PHACTR2: variants seen among roughly 807,000 people sequenced by gnomAD.
The protein encoded by PHACTR2 is phosphatase and actin regulator 2.
PHACTR2 carries 30 observed loss-of-function variants against 76.0 expected under a neutral mutation model. The observed-to-expected ratio is 0.39, with a 90% CI of 0.30 to 0.54. PHACTR2 has a LOEUF of 0.54. Ranked by LOEUF, PHACTR2 falls within the 20% of genes least tolerant of loss-of-function variation. PHACTR2 has a pLI of 0.61. For missense variants in PHACTR2, 696 were observed against 781.1 expected (o/e 0.89, Z 1.30); for synonymous variants, 292 against 292.5 (o/e 1.00, Z 0.02).
At position 143,825,964 on chromosome 6, in the gene PHACTR2, A is replaced by T. The variant is rs1338813622; in HGVS notation, c.*2275A>T. 1 of 152,128 alleles carries T rather than the reference A, an allele frequency of 6.6e-6. No individual in the cohort carries two copies. Among genetic ancestry groups the T allele is most frequent in the Non-Finnish European group, 1.5e-5 (1 of 68,018 alleles). The allele number at this position is 152,128 out of a possible 1,614,324, so 9.4% of individuals were successfully genotyped here. On this transcript the variant is annotated 3_prime_UTR_variant, in exon 13 of 13. Transcript: ENST00000440869. This position sits in a 1 kb window ranked among gnomAD's most constrained non-coding sequence, Gnocchi z 4.1. ...ATTTCAAAATTGCATTTCTTGTATA[A>T]TAGGTCAGATTTATTAACTACTCAT...
chr6:143,565,485 G>A (rs1205386594), intron 1 of PHACTR2, among the ~76,000 whole-genome samples: 1 of 152,090 alleles, frequency 6.6e-6, no homozygotes, highest in Admixed American at 6.6e-5. Flanking sequence ...GGGCGTGGTG[G>A]TGGGCGCTAC....
At position 143,546,354 on chromosome 6, in the gene PHACTR2, A is replaced by C. The variant is rs1664761448; in HGVS notation, c.217+9147A>C. ...CCCTCGTAACAGGAAGAAACTTGTG[A>C]CTTAAAAAAAAAAAAAAACATGTTA... On this transcript the variant is annotated intron_variant, in intron 1 of 11. Transcript: ENST00000367584. This position sits in a 1 kb window ranked among gnomAD's most constrained non-coding sequence, Gnocchi z 4.9. Among the ~76,000 whole-genome samples the C allele has an allele frequency of 7.5e-6, 1 of 133,344 alleles. No homozygotes were observed. The highest frequency in any genetic ancestry group is 7.3e-5 in the Admixed American group (1 of 13,676). 87.5% of individuals were successfully genotyped at this position (133,344 alleles called of 152,430 possible). A position where few individuals can be genotyped will look rare whatever the true frequency, so the allele number is the denominator to read the frequency against.
intron 11 of PHACTR2, among the ~76,000 whole-genome samples, chr6:143,790,825 C>T (rs1026616630): frequency 1.4e-4 from 21 of 152,110 alleles, no homozygotes; most frequent in South Asian, 2.1e-4. Context: ...AGGCGCCCGC[C>T]ACCACGCCCA....
intron 1 of PHACTR2, among the ~76,000 whole-genome samples, chr6:143,576,006 A>C (rs1367723312): frequency 6.6e-6 from 1 of 152,272 alleles, no homozygotes; most frequent in Non-Finnish European, 1.5e-5. Flanking sequence ...GAGATATATC[A>C]GACAAAGCCA....
intron 1 of PHACTR2, among the ~76,000 whole-genome samples, chr6:143,588,810 T>C (rs1365323593): frequency 6.6e-6 from 1 of 152,206 alleles, no homozygotes; most frequent in East Asian, 1.9e-4. Flanking sequence ...GAAGATATTA[T>C]AAACAATTTG....
intron 2 of PHACTR2, among the ~76,000 whole-genome samples, chr6:143,723,629 T>C (rs748702820): frequency 1.3e-5 from 2 of 152,212 alleles, no homozygotes; most frequent in Non-Finnish European, 2.9e-5. Context: ...CTCATGAAGC[T>C]GCTATTCCAG....
At position 143,549,518 on chromosome 6, in the gene PHACTR2, A is replaced by G. The variant is rs1325442432; in HGVS notation, c.217+12311A>G. On this transcript the variant is annotated intron_variant, in intron 1 of 11. Coordinates refer to the PHACTR2 transcript ENST00000367584. This position sits in a 1 kb window ranked among gnomAD's most constrained non-coding sequence, Gnocchi z 4.2. ...ATTCTCAGAAGGCCGGCCACAGGCA[A>G]TGGCAAGATGAGAATGTTTGCCCAA... Among the ~76,000 whole-genome samples, 1 of 152,028 alleles carries G rather than the reference A, an allele frequency of 6.6e-6. No individual in the cohort carries two copies. The highest frequency in any genetic ancestry group is 6.6e-5 in the Admixed American group (1 of 15,246).
intron 1 of PHACTR2, among the ~76,000 whole-genome samples, chr6:143,702,927 A>G (rs1343850295): frequency 6.6e-6 from 1 of 151,720 alleles, no homozygotes; most frequent in African/African-American, 2.4e-5. Flanking sequence ...AGTAAGGGAA[A>G]AAAGTTTATA....
intron 1 of PHACTR2, among the ~76,000 whole-genome samples, chr6:143,575,778 G>GTTTTTTTT (rs1775499344): frequency 6.6e-6 from 1 of 151,904 alleles, no homozygotes; most frequent in African/African-American, 2.4e-5. Context: ...TTATTGAACC[G>GTTTTTTTT]TTTTGTTAAG....
Position 143,598,925 on chromosome 6 carries a change from G to T in PHACTR2, c.217+61718G>T, listed in dbSNP as rs114035565. Among the ~76,000 whole-genome samples the T allele has an allele frequency of 1.3e-5, 2 of 152,262 alleles. No homozygotes were observed. Among genetic ancestry groups the T allele is most frequent in the East Asian group, 3.9e-4 (2 of 5,180 alleles). ...TGTTATCTGTTCCAGGTTTAGTGGC[G>T]TGAATAGTAAACATAGTAGATTAGT... On this transcript the variant is annotated intron_variant, in intron 1 of 11. Transcript: ENST00000367584. The surrounding 1 kb of genome is among the most constrained non-coding windows in gnomAD (Gnocchi z 4.1).
chr6:143,816,555 C>T lies in PHACTR2; in HGVS notation c.1923-7119C>T, dbSNP rs757247207. On this transcript the variant is annotated intron_variant, in intron 12 of 12. Coordinates refer to ENST00000440869, the MANE Select transcript of PHACTR2 (RefSeq NM_001100164.2). This position sits in a 1 kb window ranked among gnomAD's most constrained non-coding sequence, Gnocchi z 4.5. Reference sequence around the variant, plus strand: ...CTTTGTGAGCATATTATTGCACGCACGGTATCAATTGGTCACCTTCTTTTC... The same window carrying T: ...CTTTGTGAGCATATTATTGCACGCATGGTATCAATTGGTCACCTTCTTTTC... Among the ~76,000 whole-genome samples the T allele has an allele frequency of 1.1e-4, 17 of 151,944 alleles. No homozygotes were observed. The highest frequency in any genetic ancestry group is 2.1e-4 in the South Asian group (1 of 4,806).
In PHACTR2 at chr6:143,730,962, C is replaced by G. The variant is rs948198525; in HGVS notation, c.215-18023C>G. ...GGGGTTTCACTATGTTGGCCCCAGG[C>G]TGGTCTGGAATTCCTGACAACATGA... On this transcript the variant is annotated intron_variant, in intron 2 of 12. Coordinates refer to ENST00000440869, the MANE Select transcript of PHACTR2 (RefSeq NM_001100164.2). This position sits in a 1 kb window ranked among gnomAD's most constrained non-coding sequence, Gnocchi z 4.8. 7.2e-5 allele frequency among the ~76,000 whole-genome samples: 11 copies of G among 152,114 alleles called. No individual in the cohort carries two copies. Among genetic ancestry groups the G allele is most frequent in the African/African-American group, 2.7e-4 (11 of 41,424 alleles).
rs539323080 is a variant in PHACTR2, at chr6:143,803,649, C to T, written c.1846-3408C>T. 2.2e-4 allele frequency among the ~76,000 whole-genome samples: 34 copies of T among 152,086 alleles called. No individual in the cohort carries two copies. Among genetic ancestry groups the T allele is most frequent in the Admixed American group, 3.3e-4 (5 of 15,278 alleles). On this transcript the variant is annotated intron_variant, in intron 11 of 12. Transcript: ENST00000440869. This position sits in a 1 kb window ranked among gnomAD's most constrained non-coding sequence, Gnocchi z 4.7. ...TTTTGGAAAAATCAGATTCATCGAACGATTTTTTGGCCAACAACTGTTTGA... is the reference window on the plus strand; with the variant it reads ...TTTTGGAAAAATCAGATTCATCGAATGATTTTTTGGCCAACAACTGTTTGA...
rs1387435839 is a variant in PHACTR2, at chr6:143,684,773, A to T, written c.46+6564A>T. The stretch of plus-strand genomic sequence containing the variant: ...CAAGTGGAACTTTAGCATGTATTTA[A>T]TTCCCACTCATTCTCTTACCTATGT... On this transcript the variant is annotated intron_variant, in intron 1 of 12. Transcript: ENST00000440869. The surrounding 1 kb of genome is among the most constrained non-coding windows in gnomAD (Gnocchi z 4.3). Among the ~76,000 whole-genome samples, 1 of 152,176 alleles carries T rather than the reference A, an allele frequency of 6.6e-6. No homozygotes were observed. The highest frequency in any genetic ancestry group is 1.5e-5 in the Non-Finnish European group (1 of 68,040).
rs999971468 is a variant in PHACTR2, at chr6:143,656,709, C to T, written c.13+48387C>T. Among the ~76,000 whole-genome samples the T allele has an allele frequency of 2.6e-5, 4 of 152,096 alleles. No homozygotes were observed. Among genetic ancestry groups the T allele is most frequent in the African/African-American group, 9.7e-5 (4 of 41,402 alleles). ...AAGAAGCAATATCAAGATTTTTCACCAGCCTCTGGAGTTATCACTGATTAG... is the reference window on the plus strand; with the variant it reads ...AAGAAGCAATATCAAGATTTTTCACTAGCCTCTGGAGTTATCACTGATTAG... On this transcript the variant is annotated intron_variant, in intron 1 of 11. Coordinates refer to the PHACTR2 transcript ENST00000305766. The surrounding 1 kb of genome is among the most constrained non-coding windows in gnomAD (Gnocchi z 5.3).
intron 2 of PHACTR2, among the ~76,000 whole-genome samples, chr6:143,732,425 T>C (rs1778720836): frequency 6.6e-6 from 1 of 152,244 alleles, no homozygotes; most frequent in African/African-American, 2.4e-5. Context: ...CAAGCTTTCA[T>C]TGGTCATCTA....
intron 1 of PHACTR2, among the ~76,000 whole-genome samples, chr6:143,650,698 C>G (rs903998822): frequency 5.9e-5 from 9 of 152,142 alleles, no homozygotes; most frequent in African/African-American, 2.2e-4. Context: ...GGATTAAAGA[C>G]TTAAGTGTAA....
chr6:143,744,762 C>T (rs751351394), intron 2 of PHACTR2, among the ~76,000 whole-genome samples: 3 of 152,186 alleles, frequency 2.0e-5, no homozygotes, highest in Admixed American at 6.5e-5. Context: ...GTAAGATGGG[C>T]AGCCATGGGA....
chr6:143,766,145 T>C (rs1346407831), intron 6 of PHACTR2, among the ~76,000 whole-genome samples: 3 of 152,256 alleles, frequency 2.0e-5, no homozygotes, highest in Admixed American at 2.0e-4. Context: ...CCTACTCATG[T>C]CAGCAAGTTA....
Sources: allele counts gnomAD v4.1 joint callset (sites outside exome capture counted in the v4.1 genomes callset), GRCh38; gene constraint gnomAD v4.1.1; non-coding constraint Gnocchi (gnomAD v3.1); transcripts MANE v1.5; gene names NCBI Gene and HGNC (gene_info 2026-07-23, HGNC 2026-07-21).